Variants in MACF1 observed in about 807,000 individuals in gnomAD.
MACF1 encodes microtubule-actin cross-linking factor 1.
Under a neutral mutation model 854.8 loss-of-function variants are expected in MACF1, and 193 were observed. The observed-to-expected ratio is 0.23, with a 90% CI of 0.20 to 0.25. The LOEUF is 0.25. MACF1 is among the 10% of genes least tolerant of loss of function. The probability of loss-of-function intolerance (pLI) is 1.00; values close to 1 mark genes in which losing one functional copy is unlikely to be tolerated. For synonymous variants in MACF1, 3,185 were observed against 3,226.7 expected, an observed-to-expected ratio of 0.99 and a Z score of 0.44; for missense variants, 7,722 against 8,929.1, an observed-to-expected ratio of 0.86 and a Z score of 5.45.
intron 2 of MACF1, among the ~76,000 whole-genome samples, chr1:39,162,203 T>C (rs1643813203): frequency 6.6e-6 from 1 of 152,126 alleles, no homozygotes; most frequent in African/African-American, 2.4e-5. Context: ...GGTTTCGCCA[T>C]GTTGGCCAGG....
chr1:39,087,245 C>G lies in MACF1; in HGVS notation c.220+2807C>G, dbSNP rs530989611. ...CTGTGGCCTGTGCAATTTTCTCCTC[C>G]CCCTGGATCTTGCTTATGAAGCCAA... On this transcript the variant is annotated intron_variant, in intron 2 of 93. Coordinates refer to the MACF1 transcript ENST00000361689. Among the ~76,000 whole-genome samples the G allele has an allele frequency of 1.1e-4, 17 of 152,324 alleles. No homozygotes were observed. The South Asian group carries it at 1.4e-3, about 13-fold the overall frequency.
chr1:39,372,477 A>G lies in MACF1; in HGVS notation c.13096-2A>G. ...CATTTGGCCATTTTCTTCTTTAAAC[A>G]GAGTCTACTAGATGACTGGGCAAGT... On this transcript the variant is annotated splice_acceptor_variant, in intron 51 of 100. Coordinates refer to ENST00000564288, the MANE Select transcript of MACF1 (RefSeq NM_001394062.1). LOFTEE classifies it high-confidence loss of function. 6.3e-7 allele frequency: 1 copy of G among 1,586,600 alleles called. No individual in the cohort carries two copies. The highest frequency in any genetic ancestry group is 8.6e-7 in the Non-Finnish European group (1 of 1,156,194).
In MACF1 at chr1:39,088,844, G is replaced by A. The variant is rs149020296; in HGVS notation, c.220+4406G>A. Among the ~76,000 whole-genome samples, 617 of 152,336 alleles carry A rather than the reference G, an allele frequency of 4.1e-3. 5 individuals are homozygous for A. The highest frequency in any genetic ancestry group is 0.014 in the African/African-American group (592 of 41,576). ...CATCACATTTGTTGTCATTGCAGAC[G>A]TGTACATTTATTATTACAAGTTTCC... On this transcript the variant is annotated intron_variant, in intron 2 of 93. Transcript: ENST00000361689.
intron 61 of MACF1, among the ~76,000 whole-genome samples, chr1:39,426,479 G>A (rs1313616223): frequency 6.6e-6 from 1 of 152,142 alleles, no homozygotes; most frequent in Non-Finnish European, 1.5e-5. Flanking sequence ...ACAACATTAT[G>A]ACCTTTCATT....
At chr1:39,274,478 A>G (rs1557557476) in intron 6 of MACF1, among the ~76,000 whole-genome samples, 2 of 152,200 alleles carry the variant, frequency 1.3e-5, no homozygotes, top group Non-Finnish European at 2.9e-5. Context: ...ACAACTATTT[A>G]CTAACATTTA....
At chr1:39,450,903 G>A (rs1025483925) in intron 84 of MACF1, 149 bp from the exon 85 acceptor site, 8 of 845,152 alleles carry the variant, frequency 9.5e-6, no homozygotes, top group East Asian at 8.7e-5. Flanking sequence ...GAGCCACCGC[G>A]CCCGGCCTTT....
At chr1:39,293,357 A>T in intron 17 of MACF1, 101 bp from the exon 18 acceptor site, 1 of 1,102,000 alleles carries the variant, frequency 9.1e-7, no homozygotes, top group Non-Finnish European at 1.3e-6. Context: ...GATTAAGAGC[A>T]AATTAATTTC....
rs1006406250 is a variant in MACF1, at chr1:39,084,570, A to G, written c.220+132A>G. 1.4e-5 allele frequency: 10 copies of G among 740,566 alleles called. No homozygotes were observed. The highest frequency in any genetic ancestry group is 3.7e-5 in the South Asian group (2 of 54,122). 45.9% of individuals were successfully genotyped at this position (740,566 alleles called of 1,614,324 possible). On this transcript the variant is annotated intron_variant, in intron 2 of 93. Coordinates refer to the MACF1 transcript ENST00000361689. The surrounding 1 kb of genome is among the most constrained non-coding windows in gnomAD (Gnocchi z 5.2). ...CAAAGCAGCCATCATCTGATTTGTT[A>G]TTATTATTCTTGGAAAGACGTTGAA...
intron 6 of MACF1, among the ~76,000 whole-genome samples, chr1:39,266,550 C>CGTTGCTTTAGGGCTTCTT (rs1645233862): frequency 6.8e-6 from 1 of 147,600 alleles, no homozygotes; most frequent in African/African-American, 2.5e-5. Flanking sequence ...GTGTAAAAGC[C>CGTTGCTTTAGGGCTTCTT]GTTGCTTTAG....
intron 6 of MACF1, among the ~76,000 whole-genome samples, chr1:39,259,792 T>C (rs1427025093): frequency 6.6e-6 from 1 of 151,846 alleles, no homozygotes; most frequent in Non-Finnish European, 1.5e-5. Context: ...CCGGCTAATT[T>C]TGTATTTTTA....
intron 1 of MACF1, chr1:39,206,728 T>C (rs1460735985): frequency 2.0e-5 from 3 of 152,216 alleles, no homozygotes; most frequent in African/African-American, 4.8e-5. Context: ...CATTTTTCAA[T>C]TGGAGGCTAT....
chr1:39,360,763 A>C (rs1451431400), intron 47 of MACF1, 30 bp from the exon 48 acceptor site: 14 of 1,353,306 alleles, frequency 1.0e-5, no homozygotes, highest in African/African-American at 1.4e-5. Context: ...AATTGTCTCC[A>C]CTCTTTCTTT....
chr1:39,332,403 A>G lies in MACF1; in HGVS notation c.5815A>G (p.Ile1939Val), dbSNP rs1646743347. The change falls in exon 37 of 101, where the codon ATT becomes GTT. Residue 1939 changes from isoleucine to valine, a missense_variant. Around this residue, in one of 15 missense-constraint regions of MACF1, gnomAD observed 1,531 missense variants for 1,601.6 expected, o/e 0.96. Coordinates refer to ENST00000564288, the MANE Select transcript of MACF1 (RefSeq NM_001394062.1). ...MQLADSAEQNINPGAAVLPCS... is the reference protein window; with the variant it reads ...MQLADSAEQNVNPGAAVLPCS... ...ACTAGCAGACTCTGCAGAACAAAAT[A>G]TTAATCCTGGAGCAGCAGTTCTACC... The G allele has an allele frequency of 1.2e-6, 2 of 1,614,108 alleles. No individual in the cohort carries two copies. The highest frequency in any genetic ancestry group is 4.5e-5 in the East Asian group (2 of 44,888).
chr1:39,125,520 G>A (rs576008900), intron 2 of MACF1, among the ~76,000 whole-genome samples: 7 of 152,186 alleles, frequency 4.6e-5, no homozygotes, highest in East Asian at 1.9e-4. Context: ...CCATTCATTC[G>A]GGAGATGCTT....
chr1:39,199,148 G>C (rs1644358714), intron 2 of MACF1, among the ~76,000 whole-genome samples: 1 of 151,656 alleles, frequency 6.6e-6, no homozygotes, highest in Non-Finnish European at 1.5e-5. Flanking sequence ...ACCACGGCTG[G>C]CTAATTTTTT....
Position 39,477,090 on chromosome 1 carries a change from TAC to T in MACF1, c.21959-2696_21959-2695del, listed in dbSNP as rs10563248. Among the ~76,000 whole-genome samples, 21 of 26,284 alleles carry T rather than the reference TAC, an allele frequency of 8.0e-4. 1 individual carries two copies. Among genetic ancestry groups the T allele is most frequent in the East Asian group, 5.5e-3 (4 of 726 alleles). 17.2% of individuals were successfully genotyped at this position (26,284 alleles called of 152,430 possible). A position where few individuals can be genotyped will look rare whatever the true frequency, so the allele number is the denominator to read the frequency against. On this transcript the variant is annotated intron_variant, in intron 97 of 100. Transcript: ENST00000564288. ...ATATATATATATATATATATATATA[TAC>T]ACACACACACATATATACACTTAGT...
At chr1:39,244,705 A>G (rs958431092) in intron 2 of MACF1, among the ~76,000 whole-genome samples, 1 of 151,548 alleles carries the variant, frequency 6.6e-6, no homozygotes, top group African/African-American at 2.4e-5. Flanking sequence ...CATCCTCCCC[A>G]GTAGCTAGGA....
chr1:39,326,885 G>A (rs1243210631), intron 35 of MACF1, among the ~76,000 whole-genome samples: 2 of 152,062 alleles, frequency 1.3e-5, no homozygotes, highest in African/African-American at 2.4e-5. Context: ...GAAAGGTAGA[G>A]TTATAATCAT....
chr1:39,284,838 T>C (rs1468265109), intron 11 of MACF1, among the ~76,000 whole-genome samples: 3 of 152,214 alleles, frequency 2.0e-5, no homozygotes, highest in Non-Finnish European at 2.9e-5. Context: ...GGAGGATTTA[T>C]AGAAAGTGTA....
Sources: allele counts gnomAD v4.1 joint callset (sites outside exome capture counted in the v4.1 genomes callset), GRCh38; gene constraint gnomAD v4.1.1; regional missense constraint gnomAD v4.1.1; non-coding constraint Gnocchi (gnomAD v3.1); transcripts MANE v1.5; gene names NCBI Gene and HGNC (gene_info 2026-07-23, HGNC 2026-07-21).